The following THAP4 variants were observed in gnomAD, a reference collection of about 807,000 sequenced individuals.
THAP4 encodes the protein peroxynitrite isomerase THAP4.
THAP4 carries 18 observed loss-of-function variants against 48.1 expected under a neutral mutation model. The ratio of observed to expected loss-of-function variants is 0.37; its 90% CI spans 0.26 to 0.56. The LOEUF is 0.56. THAP4 is among the 20% of genes least tolerant of loss of function. The pLI is 0.78. For synonymous variants in THAP4, 345 were observed against 324.9 expected, an observed-to-expected ratio of 1.06 and a Z score of -0.66; for missense variants, 656 against 774.9, an observed-to-expected ratio of 0.85 and a Z score of 1.82.
intron 2 of THAP4, among the ~76,000 whole-genome samples, chr2:241,625,821 A>G (rs927601048): frequency 8.7e-5 from 13 of 149,132 alleles, no homozygotes; most frequent in Non-Finnish European, 1.0e-4. Flanking sequence ...AAAAAAAAAA[A>G]AAAGAAAAAA....
chr2:241,629,463 C>T lies in THAP4; in HGVS notation c.1240+3454G>A, dbSNP rs561355183. On this transcript the variant is annotated intron_variant, in intron 2 of 5. Coordinates refer to ENST00000407315, the MANE Select transcript of THAP4 (RefSeq NM_015963.6). Reference sequence around the variant, plus strand: ...TCCAGCCTGGGTGACAGAGCAAAGCCCTGTCTCTTAAAAAAAAAAAAAGAA... The same window carrying T: ...TCCAGCCTGGGTGACAGAGCAAAGCTCTGTCTCTTAAAAAAAAAAAAAGAA... Among the ~76,000 whole-genome samples the T allele has an allele frequency of 3.2e-4, 47 of 148,188 alleles. No individual in the cohort carries two copies. In the East Asian group the frequency reaches 8.1e-3, roughly 26 times the overall value.
intron 5 of THAP4, among the ~76,000 whole-genome samples, chr2:241,600,231 T>C (rs2067095370): frequency 6.6e-6 from 1 of 152,068 alleles, no homozygotes; most frequent in African/African-American, 2.4e-5. Context: ...AACAGACCCC[T>C]ATATTTATGT....
intron 2 of THAP4, among the ~76,000 whole-genome samples, chr2:241,628,344 C>G (rs1240525627): frequency 6.6e-6 from 1 of 151,758 alleles, no homozygotes; most frequent in Non-Finnish European, 1.5e-5. Flanking sequence ...CACTCACATG[C>G]CCAAATCCCA....
chr2:241,611,239 T>G (rs953260211), intron 2 of THAP4, among the ~76,000 whole-genome samples: 9 of 152,128 alleles, frequency 5.9e-5, no homozygotes, highest in African/African-American at 2.2e-4. Flanking sequence ...GCCCTGGACT[T>G]GGGAAGCCTG....
intron 5 of THAP4, among the ~76,000 whole-genome samples, chr2:241,595,044 C>T (rs1055035552): frequency 2.6e-5 from 4 of 151,968 alleles, no homozygotes; most frequent in Admixed American, 2.0e-4. Context: ...AACAGAGTCT[C>T]GCTCGGTCGC....
chr2:241,617,306 T>G, intron 2 of THAP4: 1 of 826,860 alleles, frequency 1.2e-6, no homozygotes, highest in South Asian at 1.6e-5. Flanking sequence ...TGATTTCATT[T>G]TTCTTTTATT....
intron 5 of THAP4, among the ~76,000 whole-genome samples, chr2:241,599,403 G>T (rs754577241): frequency 7.9e-5 from 12 of 152,150 alleles, no homozygotes; most frequent in Non-Finnish European, 1.6e-4. Flanking sequence ...CTGTGCCTAA[G>T]ATCCTGGCTG....
chr2:241,615,108 G>C (rs140530898), intron 2 of THAP4, among the ~76,000 whole-genome samples: 2 of 152,222 alleles, frequency 1.3e-5, no homozygotes, highest in Admixed American at 6.6e-5. Context: ...AAAGAAGCCA[G>C]ACAAAAACGT....
intron 1 of THAP4, among the ~76,000 whole-genome samples, chr2:241,634,577 G>A (rs1192133403): frequency 6.6e-6 from 1 of 152,230 alleles, no homozygotes; most frequent in Non-Finnish European, 1.5e-5. Context: ...TGAGAATCTG[G>A]AGACCTCCAG....
At chr2:241,611,494 G>A (rs538783496) in intron 2 of THAP4, among the ~76,000 whole-genome samples, 18 of 152,218 alleles carry the variant, frequency 1.2e-4, no homozygotes, top group Admixed American at 7.2e-4. Context: ...AGGCCAAGGC[G>A]GGTGGATCAT....
At chr2:241,615,176 T>C (rs1283342440) in intron 2 of THAP4, among the ~76,000 whole-genome samples, 1 of 151,210 alleles carries the variant, frequency 6.6e-6, no homozygotes, top group Non-Finnish European at 1.5e-5. Flanking sequence ...GGATGGAGGG[T>C]GGGGAATCTG....
chr2:241,619,274 T>TGC (rs1559230169), intron 2 of THAP4, among the ~76,000 whole-genome samples: 1 of 152,174 alleles, frequency 6.6e-6, no homozygotes, highest in Non-Finnish European at 1.5e-5. Context: ...ACAGCCCGAG[T>TGC]GCCAGCCAGG....
At chr2:241,586,254 C>A (rs141178342) in intron 5 of THAP4, among the ~76,000 whole-genome samples, 1 of 121,584 alleles carries the variant, frequency 8.2e-6, no homozygotes, top group Non-Finnish European at 1.6e-5. Flanking sequence ...GAGACTCCAT[C>A]TGAAGAGGAA....
intron 5 of THAP4, among the ~76,000 whole-genome samples, chr2:241,595,086 C>T (rs2067031973): frequency 6.6e-6 from 1 of 152,090 alleles, no homozygotes; most frequent in Non-Finnish European, 1.5e-5. Context: ...CATCTCAGCT[C>T]ATTGCAACCT....
At position 241,636,983 on chromosome 2, in the gene THAP4, T is replaced by G; in HGVS notation, c.35A>C (p.Asn12Thr). Residue 12 changes from asparagine (N) to threonine (T), a missense_variant, in exon 1 of 6, where the codon AAC (asparagine) becomes ACC (threonine). This residue lies in a region of THAP4 where 59 missense variants were observed against 45.8 expected (regional missense o/e 1.29). Coordinates refer to ENST00000407315, the MANE Select transcript of THAP4 (RefSeq NM_015963.6). ...VICCAAVNCSNRQGKGEKRAV... is the reference protein window; with the variant it reads ...VICCAAVNCSTRQGKGEKRAV... Reference sequence around the variant, plus strand: ...GCGCTTCTCGCCCTTTCCCTGCCGGTTGGAGCAGTTCACGGCCGCACAGCA... The same window carrying G: ...GCGCTTCTCGCCCTTTCCCTGCCGGGTGGAGCAGTTCACGGCCGCACAGCA... 7.5e-7 allele frequency: 1 copy of G among 1,326,814 alleles called. No homozygotes were observed. Among genetic ancestry groups the G allele is most frequent in the Non-Finnish European group, 9.8e-7 (1 of 1,015,586 alleles). The allele number at this position is 1,326,814 out of a possible 1,614,324, so 82.2% of individuals were successfully genotyped here.
At chr2:241,591,557 G>C (rs1296479945) in intron 5 of THAP4, among the ~76,000 whole-genome samples, 1 of 152,190 alleles carries the variant, frequency 6.6e-6, no homozygotes, top group African/African-American at 2.4e-5. Flanking sequence ...GAACCAGAGA[G>C]AGGGTGAGAA....
intron 3 of THAP4, among the ~76,000 whole-genome samples, chr2:241,603,542 G>A (rs563381604): frequency 6.6e-6 from 1 of 151,504 alleles, no homozygotes; most frequent in East Asian, 2.0e-4. Context: ...GGCTGTGTCT[G>A]TCTTGCCTGC....
chr2:241,587,786 A>G (rs2066910645), intron 5 of THAP4, among the ~76,000 whole-genome samples: 2 of 152,084 alleles, frequency 1.3e-5, no homozygotes, highest in South Asian at 2.1e-4. Context: ...GTGGTGGCAC[A>G]TGCCTTTAAT....
At chr2:241,634,530 G>C (rs1278786219) in intron 1 of THAP4, among the ~76,000 whole-genome samples, 1 of 152,246 alleles carries the variant, frequency 6.6e-6, no homozygotes, top group Non-Finnish European at 1.5e-5. Flanking sequence ...GAGAGGTCAG[G>C]ACTGCATGGA....
Sources: allele counts gnomAD v4.1 joint callset (sites outside exome capture counted in the v4.1 genomes callset), GRCh38; gene constraint gnomAD v4.1.1; regional missense constraint gnomAD v4.1.1; transcripts MANE v1.5; gene names NCBI Gene and HGNC (gene_info 2026-07-23, HGNC 2026-07-21).